MYT1L: variants seen among roughly 807,000 people sequenced by gnomAD.
MYT1L encodes the protein myelin transcription factor 1-like protein.
A neutral mutation model predicts 126.7 loss-of-function variants in MYT1L; 12 were observed. The ratio of observed to expected loss-of-function variants is 0.09; its 90% CI spans 0.06 to 0.15. MYT1L has a LOEUF of 0.15. Ranked by LOEUF, MYT1L falls within the 10% of genes least tolerant of loss-of-function variation. The pLI is 1.00. For synonymous variants in MYT1L, 541 were observed against 604.2 expected (o/e 0.90, Z 1.53); for missense variants, 979 against 1,585.2 (o/e 0.62, Z 6.49).
intron 4 of MYT1L, among the ~76,000 whole-genome samples, chr2:2,040,801 A>AT (rs1425340827): frequency 6.6e-6 from 1 of 152,164 alleles, no homozygotes; most frequent in Non-Finnish European, 1.5e-5. Flanking sequence ...TATTAAGTGT[A>AT]TTTTTTAAAA....
In MYT1L at chr2:2,228,380, C is replaced by T. The variant is rs1185719530; in HGVS notation, c.-420-55392G>A. Among the ~76,000 whole-genome samples the T allele has an allele frequency of 1.3e-5, 2 of 152,088 alleles. No homozygotes were observed. The highest frequency in any genetic ancestry group is 1.5e-5 in the Non-Finnish European group (1 of 68,014). On this transcript the variant is annotated intron_variant, in intron 2 of 24. Coordinates refer to ENST00000647738, the MANE Select transcript of MYT1L (RefSeq NM_001303052.2). The surrounding 1 kb of genome is among the most constrained non-coding windows in gnomAD (Gnocchi z 5.9). ...TTTAGCTAGCCACATGGTTACTTACCATTGTGTTAGATTTTGAATACTGTA... is the reference window on the plus strand; with the variant it reads ...TTTAGCTAGCCACATGGTTACTTACTATTGTGTTAGATTTTGAATACTGTA...
chr2:1,932,837 A>C (rs2055198799), intron 9 of MYT1L, among the ~76,000 whole-genome samples: 1 of 152,158 alleles, frequency 6.6e-6, no homozygotes, highest in African/African-American at 2.4e-5. Context: ...GTGTGCTGGA[A>C]GGGCAGGTGG....
At chr2:1,914,202 C>T (rs546757659) in intron 11 of MYT1L, among the ~76,000 whole-genome samples, 3 of 151,768 alleles carry the variant, frequency 2.0e-5, no homozygotes, top group Non-Finnish European at 2.9e-5. Flanking sequence ...TGCAGTGAGC[C>T]GAGATTACGC....
At chr2:2,196,615 AG>A (rs1440409679) in intron 2 of MYT1L, among the ~76,000 whole-genome samples, 1 of 151,850 alleles carries the variant, frequency 6.6e-6, no homozygotes, top group Non-Finnish European at 1.5e-5. Flanking sequence ...ACACACAAAT[AG>A]GGGGAAGTAG....
At chr2:1,965,087 T>C (rs1004741820) in intron 8 of MYT1L, among the ~76,000 whole-genome samples, 8 of 152,196 alleles carry the variant, frequency 5.3e-5, no homozygotes, top group African/African-American at 1.4e-4. Flanking sequence ...CTATGCACAG[T>C]TGGGGACTGT....
intron 18 of MYT1L, among the ~76,000 whole-genome samples, chr2:1,883,661 A>G (rs1313985436): frequency 6.6e-6 from 1 of 152,158 alleles, no homozygotes; most frequent in Non-Finnish European, 1.5e-5. Context: ...TAGAAAGGGC[A>G]TACAAGGTGA....
chr2:2,019,002 T>C (rs1374226797), intron 4 of MYT1L, among the ~76,000 whole-genome samples: 2 of 152,146 alleles, frequency 1.3e-5, no homozygotes, highest in Non-Finnish European at 2.9e-5. Context: ...CCCACCTTAG[T>C]ACAATACTAG....
chr2:2,061,999 C>T (rs1056790271), intron 3 of MYT1L, among the ~76,000 whole-genome samples: 2 of 152,190 alleles, frequency 1.3e-5, no homozygotes, highest in African/African-American at 2.4e-5. Context: ...TACACGAATG[C>T]GTCTCTACCA....
At chr2:2,194,226 C>A (rs2092708402) in intron 2 of MYT1L, among the ~76,000 whole-genome samples, 1 of 151,976 alleles carries the variant, frequency 6.6e-6, no homozygotes, top group Non-Finnish European at 1.5e-5. Context: ...ACCACAGGCA[C>A]AAGCCCCTTT....
In MYT1L at chr2:1,791,253, C is replaced by G. The variant is rs1211071616; in HGVS notation, c.*614G>C. 2.1e-6 allele frequency: 1 copy of G among 470,930 alleles called. No homozygotes were observed. The highest frequency in any genetic ancestry group is 4.4e-6 in the Non-Finnish European group (1 of 227,078). The allele number at this position is 470,930 out of a possible 1,614,324, so 29.2% of individuals were successfully genotyped here. On this transcript the variant is annotated 3_prime_UTR_variant, in exon 25 of 25. Transcript: ENST00000647738. This position sits in a 1 kb window ranked among gnomAD's most constrained non-coding sequence, Gnocchi z 6.0. ...AACCTCATTTATTGCCCCCACCATA[C>G]ACCATCCTCCTAAAACAAACAAACA... is the stretch of plus-strand genomic sequence containing the variant.
intron 3 of MYT1L, among the ~76,000 whole-genome samples, chr2:2,161,774 G>A (rs563449986): frequency 1.2e-4 from 19 of 152,276 alleles, no homozygotes; most frequent in African/African-American, 4.6e-4. Flanking sequence ...CTCTGGGCAG[G>A]AACTCTGCAT....
intron 4 of MYT1L, among the ~76,000 whole-genome samples, chr2:2,047,008 C>A (rs2068265287): frequency 6.6e-6 from 1 of 152,036 alleles, no homozygotes; most frequent in South Asian, 2.1e-4. Context: ...TATCCTTTGC[C>A]CATTTTTAGT....
chr2:1,796,951 T>C (rs1415979387), intron 23 of MYT1L, among the ~76,000 whole-genome samples: 2 of 152,220 alleles, frequency 1.3e-5, no homozygotes, highest in Admixed American at 1.3e-4. Flanking sequence ...TTCCGGATTC[T>C]GATAACAAGC....
rs193014726 is a variant in MYT1L, at chr2:1,972,772, G to A, written c.152+6393C>T. On this transcript the variant is annotated intron_variant, in intron 8 of 24. Coordinates refer to ENST00000647738, the MANE Select transcript of MYT1L (RefSeq NM_001303052.2). Reference sequence around the variant, plus strand: ...AGGCAAGAGGCGTGCGGAATGGAGAGGGGGTCTGAGTGAGGGTGTGTGCCG... The same window carrying A: ...AGGCAAGAGGCGTGCGGAATGGAGAAGGGGTCTGAGTGAGGGTGTGTGCCG... 2.2e-4 allele frequency among the ~76,000 whole-genome samples: 34 copies of A among 152,354 alleles called. No homozygotes were observed. In the East Asian group the frequency reaches 6.6e-3, roughly 29 times the overall value.
intron 13 of MYT1L, among the ~76,000 whole-genome samples, chr2:1,907,557 G>C (rs1363130967): frequency 6.6e-6 from 1 of 152,206 alleles, no homozygotes; most frequent in African/African-American, 2.4e-5. Context: ...GGTAGGAGGG[G>C]AGGAGAGGCT....
At chr2:1,861,718 T>C (rs2044655531) in intron 18 of MYT1L, among the ~76,000 whole-genome samples, 1 of 152,196 alleles carries the variant, frequency 6.6e-6, no homozygotes. Flanking sequence ...GCAGCCTATG[T>C]AATCCTGGAT....
chr2:2,110,015 G>A (rs1173132331), intron 3 of MYT1L, among the ~76,000 whole-genome samples: 4 of 150,734 alleles, frequency 2.7e-5, no homozygotes, highest in Non-Finnish European at 5.9e-5. Context: ...GAAACACAGC[G>A]TATGCACGCA....
At chr2:2,240,877 T>C (rs771266721) in intron 2 of MYT1L, among the ~76,000 whole-genome samples, 3 of 152,140 alleles carry the variant, frequency 2.0e-5, no homozygotes, top group Non-Finnish European at 4.4e-5. Context: ...ACAACTTAGA[T>C]ATATGTAGGT....
At chr2:1,843,560 C>G (rs1258381184) in intron 19 of MYT1L, among the ~76,000 whole-genome samples, 1 of 151,582 alleles carries the variant, frequency 6.6e-6, no homozygotes, top group Non-Finnish European at 1.5e-5. Context: ...GAGTCCTACC[C>G]AGGGAGAGTT....
Sources: gnomAD v4.1 joint callset for allele counts (sites outside exome capture counted in the v4.1 genomes callset) on GRCh38, gnomAD v4.1.1 for gene constraint, Gnocchi (gnomAD v3.1) non-coding constraint, MANE v1.5 for transcripts, NCBI Gene and HGNC (gene_info 2026-07-23, HGNC 2026-07-21) for gene names.